Variants in ALPK1 observed in about 807,000 individuals in gnomAD.
The protein encoded by ALPK1 is alpha-protein kinase 1.
ALPK1 carries 110 observed loss-of-function variants against 120.6 expected under a neutral mutation model. The ratio of observed to expected loss-of-function variants is 0.91; its 90% CI spans 0.78 to 1.07. The LOEUF is 1.07. Among genes scored for constraint, ALPK1 ranks in the 50% least tolerant of loss-of-function variants. The pLI, the probability that ALPK1 is intolerant of heterozygous loss-of-function variation, is 0.00. For synonymous variants in ALPK1, 582 were observed against 560.3 expected, an observed-to-expected ratio of 1.04 and a Z score of -0.55; for missense variants, 1,498 against 1,483.9, an observed-to-expected ratio of 1.01 and a Z score of -0.16.
At chr4:112,302,685 C>T (rs1269710363) in intron 1 of ALPK1, among the ~76,000 whole-genome samples, 1 of 152,144 alleles carries the variant, frequency 6.6e-6, no homozygotes, top group Non-Finnish European at 1.5e-5. Flanking sequence ...CTTCTCAGCC[C>T]TCTGCTGCGG....
chr4:112,441,073 T>G lies in ALPK1; in HGVS notation c.3695T>G (p.Leu1232Arg). 1 of 1,613,970 alleles carries G rather than the reference T, an allele frequency of 6.2e-7. No homozygotes were observed. Among genetic ancestry groups the G allele is most frequent in the East Asian group, 2.2e-5 (1 of 44,884 alleles). Residue 1232 changes from leucine (L) to arginine (R), a missense_variant, in exon 15 of 16, where the codon CTT becomes CGT. Physicochemically the swap from Leu to Arg is moderately radical, Grantham distance 102. Coordinates refer to ENST00000650871, the MANE Select transcript of ALPK1 (RefSeq NM_025144.4). ...GAATGTAATGAAATCTGCCATCGTCTTTCTTTGACTAGACCTTCAATGGAG... is the reference window on the plus strand; with the variant it reads ...GAATGTAATGAAATCTGCCATCGTCGTTCTTTGACTAGACCTTCAATGGAG... ...HVECNEICHRLSLTRPSMEKP... is the reference protein window; with the variant it reads ...HVECNEICHRRSLTRPSMEKP...
chr4:112,344,750 T>A (rs1730032164), intron 2 of ALPK1, among the ~76,000 whole-genome samples: 1 of 152,166 alleles, frequency 6.6e-6, no homozygotes, highest in Non-Finnish European at 1.5e-5. Context: ...AACTTTCTCA[T>A]CTCTAAAGTG....
At chr4:112,381,177 A>G (rs1162862997) in intron 3 of ALPK1, among the ~76,000 whole-genome samples, 1 of 152,214 alleles carries the variant, frequency 6.6e-6, no homozygotes, top group East Asian at 1.9e-4. Flanking sequence ...AATTCAGGCA[A>G]GAATTACTGC....
intron 4 of ALPK1, among the ~76,000 whole-genome samples, chr4:112,394,723 T>C (rs1265365032): frequency 6.6e-6 from 1 of 152,204 alleles, no homozygotes; most frequent in Non-Finnish European, 1.5e-5. Context: ...GTTATCCCTT[T>C]GATGAGGCTA....
At chr4:112,362,960 C>T (rs1730978292) in intron 2 of ALPK1, among the ~76,000 whole-genome samples, 1 of 152,060 alleles carries the variant, frequency 6.6e-6, no homozygotes, top group African/African-American at 2.4e-5. Context: ...CAGTTGTCAG[C>T]CAAAAATTTT....
At chr4:112,334,955 C>A (rs918649924) in intron 2 of ALPK1, among the ~76,000 whole-genome samples, 2 of 152,142 alleles carry the variant, frequency 1.3e-5, no homozygotes, top group African/African-American at 4.8e-5. Context: ...GTTCACAGTA[C>A]CTATGTTAAG....
At chr4:112,360,067 C>T (rs1247506807) in intron 2 of ALPK1, among the ~76,000 whole-genome samples, 1 of 152,142 alleles carries the variant, frequency 6.6e-6, no homozygotes, top group Non-Finnish European at 1.5e-5. Flanking sequence ...ACCAACTTCT[C>T]CCCAGGCCCT....
chr4:112,377,739 C>T lies in ALPK1; in HGVS notation c.-39C>T, dbSNP rs1258308623. 1.3e-6 allele frequency: 2 copies of T among 1,494,300 alleles called. No individual in the cohort carries two copies. The highest frequency in any genetic ancestry group is 1.8e-6 in the Non-Finnish European group (2 of 1,107,894). The allele number at this position is 1,494,300 out of a possible 1,614,324, so 92.6% of individuals were successfully genotyped here. On this transcript the variant is annotated 5_prime_UTR_variant, in exon 3 of 16. Transcript: ENST00000650871. ...CAATGTCTTCTCCTAGGTAATTGAT[C>T]ACCCTAGACCCAGGGACACCCAATT...
intron 2 of ALPK1, among the ~76,000 whole-genome samples, chr4:112,326,826 G>A (rs1458935283): frequency 6.6e-6 from 1 of 152,172 alleles, no homozygotes; most frequent in African/African-American, 2.4e-5. Flanking sequence ...CCATAGGGAG[G>A]ACTCCAAATG....
At chr4:112,336,721 C>A (rs1201244210) in intron 2 of ALPK1, among the ~76,000 whole-genome samples, 1 of 152,062 alleles carries the variant, frequency 6.6e-6, no homozygotes, top group African/African-American at 2.4e-5. Flanking sequence ...TGGTCTTGGT[C>A]AGGTATTAAT....
intron 4 of ALPK1, chr4:112,384,367 T>C (rs748954041): frequency 6.6e-6 from 1 of 152,258 alleles, no homozygotes; most frequent in Non-Finnish European, 1.5e-5. Flanking sequence ...CTGTGTTCAA[T>C]ATGGTAGCCA....
intron 2 of ALPK1, among the ~76,000 whole-genome samples, chr4:112,374,373 C>G (rs531327861): frequency 6.6e-6 from 1 of 152,200 alleles, no homozygotes; most frequent in African/African-American, 2.4e-5. Flanking sequence ...TTCTAGTTCT[C>G]TTGCTATTTC....
At chr4:112,358,117 TG>T (rs1245802317) in intron 2 of ALPK1, 4 of 597,468 alleles carry the variant, frequency 6.7e-6, no homozygotes, top group African/African-American at 5.5e-5. Flanking sequence ...AGGGCCAGGT[TG>T]GGGCTGGGGG....
In ALPK1 at chr4:112,430,658, G is replaced by T. The variant is rs1267675972; in HGVS notation, c.1111G>T (p.Glu371Ter). 1 of 1,614,202 alleles carries T rather than the reference G, an allele frequency of 6.2e-7. No individual in the cohort carries two copies. The highest frequency in any genetic ancestry group is 1.7e-5 in the Admixed American group (1 of 60,034). ...CACAGTGCACAGAAGGCTCCATGGG[G>T]AGACAGGGACGGTCCATGCAGCAAG... ...LTTVHRRLHG[E>*]TGTVHAASQL... Residue 371 changes from glutamate to a stop codon, truncating the protein, a stop_gained, in exon 11 of 16, where the codon GAG (glutamate) becomes TAG (stop). Coordinates refer to ENST00000650871, the MANE Select transcript of ALPK1 (RefSeq NM_025144.4). LOFTEE classifies it high-confidence loss of function.
At chr4:112,357,811 A>G (rs576663190) in intron 2 of ALPK1, 5 of 1,015,824 alleles carry the variant, frequency 4.9e-6, no homozygotes, top group Admixed American at 3.4e-5. Context: ...TTCATATCCC[A>G]TCATGGAAAA....
intron 2 of ALPK1, among the ~76,000 whole-genome samples, chr4:112,329,229 A>G (rs1194463753): frequency 6.6e-6 from 1 of 152,252 alleles, no homozygotes; most frequent in Non-Finnish European, 1.5e-5. Flanking sequence ...CCAAGCACTT[A>G]CGGAGAATTG....
intron 13 of ALPK1, 110 bp from the exon 14 acceptor site, chr4:112,439,576 A>G (rs1734937940): frequency 2.5e-6 from 2 of 789,864 alleles, no homozygotes; most frequent in South Asian, 2.6e-5. Flanking sequence ...ATGAAATTGA[A>G]GCTCAGAGAA....
chr4:112,357,775 C>T, intron 2 of ALPK1: 1 of 1,080,114 alleles, frequency 9.3e-7, no homozygotes, highest in Non-Finnish European at 1.4e-6. Flanking sequence ...CCGCATGGTG[C>T]CCTATGGGCT....
intron 1 of ALPK1, among the ~76,000 whole-genome samples, chr4:112,305,518 A>T (rs1312678637): frequency 6.6e-6 from 1 of 152,060 alleles, no homozygotes; most frequent in Non-Finnish European, 1.5e-5. Context: ...AGCAATTGTG[A>T]ATGGAAGTTC....
Sources: allele counts gnomAD v4.1 joint callset (sites outside exome capture counted in the v4.1 genomes callset), GRCh38; gene constraint gnomAD v4.1.1; transcripts MANE v1.5; gene names NCBI Gene and HGNC (gene_info 2026-07-23, HGNC 2026-07-21).